LRRC37A3: variants seen among roughly 807,000 people sequenced by gnomAD.
The protein encoded by LRRC37A3 is leucine rich repeat containing 37 member A3, also known as leucine-rich repeat-containing protein 37A3.
Under a neutral mutation model 106.2 loss-of-function variants are expected in LRRC37A3, and 25 were observed. That is an observed-to-expected ratio of 0.24 (90% CI 0.17 to 0.33). The LOEUF is 0.33. Ranked by LOEUF, LRRC37A3 falls within the 10% of genes least tolerant of loss-of-function variation. LRRC37A3 has a pLI of 1.00. For synonymous variants in LRRC37A3, 305 were observed against 635.8 expected, an observed-to-expected ratio of 0.48 and a Z score of 7.83; for missense variants, 712 against 1,644.9, an observed-to-expected ratio of 0.43 and a Z score of 9.81.
At position 64,855,869 on chromosome 17, in the gene LRRC37A3, T is replaced by C; in HGVS notation, c.4830A>G (p.Ser1610=). Residue 1610 remains serine, a synonymous_variant, in exon 14 of 15, where the codon TCA becomes TCG. Transcript: ENST00000584306. ...CLIEICCHRR[S]LQEDEEGFSR... is the part of the protein sequence containing the mutation. The stretch of plus-strand genomic sequence containing the variant: ...AGAATCCTTCTTCATCTTCTTGTAA[T>C]GACCTTCGGTGACAACAGATCTGTT... 1 of 1,611,818 alleles carries C rather than the reference T, an allele frequency of 6.2e-7. No individual in the cohort carries two copies. The highest frequency in any genetic ancestry group is 8.5e-7 in the Non-Finnish European group (1 of 1,179,690).
chr17:64,855,734 G>A, intron 14 of LRRC37A3, 106 bp downstream of exon 14: 12 of 1,560,710 alleles, frequency 7.7e-6, no homozygotes, highest in Non-Finnish European at 1.0e-5. Flanking sequence ...CCTGGGAAGT[G>A]GAGGTTGCCG....
Position 64,890,946 on chromosome 17 carries a change from C to G in LRRC37A3, c.2682-1194G>C, listed in dbSNP as rs566661949. Among the ~76,000 whole-genome samples the G allele has an allele frequency of 7.3e-5, 4 of 55,014 alleles. No homozygotes were observed. The South Asian group carries it at 2.6e-3, about 35-fold the overall frequency. The allele number at this position is 55,014 out of a possible 152,430, so 36.1% of individuals were successfully genotyped here. A position where few individuals can be genotyped will look rare whatever the true frequency, so the allele number is the denominator to read the frequency against. On this transcript the variant is annotated intron_variant, in intron 5 of 14. Coordinates refer to ENST00000584306, the MANE Select transcript of LRRC37A3 (RefSeq NM_199340.5). ...TTTTTAGTAGAGATGGGGTTTCGCC[C>G]TATCGGCCAGGCTGGTCTCAAACTC...
At position 64,860,952 on chromosome 17, in the gene LRRC37A3, T is replaced by C; in HGVS notation, c.3194A>G (p.Asn1065Ser). ...THCPEEASVG[N>S]PEGAFMKVLQ... is the part of the protein sequence containing the mutation. ...CACCTTCATGAACGCTCCTTCTGGA[T>C]TCCCTACAGATGCTTCTTCAGCTGT... The change falls in exon 12 of 15, where the codon AAT becomes AGT. Residue 1065 changes from asparagine (N) to serine (S), a missense_variant. By Grantham distance (46) the Asn-to-Ser change is conservative. Coordinates refer to ENST00000584306, the MANE Select transcript of LRRC37A3 (RefSeq NM_199340.5). The C allele has an allele frequency of 6.2e-7, 1 of 1,613,992 alleles. No homozygotes were observed. The highest frequency in any genetic ancestry group is 2.2e-5 in the East Asian group (1 of 44,880).
chr17:64,861,515 C>T (rs572059120), intron 11 of LRRC37A3, among the ~76,000 whole-genome samples: 3 of 152,322 alleles, frequency 2.0e-5, no homozygotes, highest in African/African-American at 2.4e-5. Flanking sequence ...ATCTGGCATG[C>T]GCTCCACCCA....
intron 8 of LRRC37A3, chr17:64,881,130 C>T (rs1973686882): frequency 1.4e-5 from 10 of 700,844 alleles, no homozygotes; most frequent in Admixed American, 1.0e-4. Context: ...GTGAGCCACA[C>T]ATCTCCCCAC....
Position 64,859,716 on chromosome 17 carries a change from A to G in LRRC37A3, c.4430T>C (p.Leu1477Pro). The G allele has an allele frequency of 6.2e-7, 1 of 1,613,660 alleles. No individual in the cohort carries two copies. Among genetic ancestry groups the G allele is most frequent in the Non-Finnish European group, 8.5e-7 (1 of 1,180,026 alleles). Residue 1477 changes from leucine (L) to proline (P), a missense_variant, in exon 12 of 15, where the codon CTA (leucine) becomes CCA (proline). Physicochemically the swap from Leu to Pro is moderately conservative, Grantham distance 98 (BLOSUM62 -3). Transcript: ENST00000584306. ...GATAACGGACTGCAGCTGCTGGGTT[A>G]GCTGAATTTCAAACTGATCACCTGG... is the stretch of plus-strand genomic sequence containing the variant. ...SSPGDQFEIQLTQQLQSVIPN... is the reference protein window; with the variant it reads ...SSPGDQFEIQPTQQLQSVIPN...
chr17:64,857,622 C>G (rs960557062), intron 13 of LRRC37A3, among the ~76,000 whole-genome samples: 2 of 152,134 alleles, frequency 1.3e-5, no homozygotes, highest in African/African-American at 4.8e-5. Context: ...TCTGAAGTCT[C>G]TCATATGGTG....
At chr17:64,873,726 T>C (rs1431349949) in intron 8 of LRRC37A3, among the ~76,000 whole-genome samples, 4 of 151,398 alleles carry the variant, frequency 2.6e-5, no homozygotes, top group African/African-American at 9.7e-5. Context: ...TGAAGGTTAA[T>C]TGAGATTGTT....
At chr17:64,912,593 C>A (rs2143628533) in intron 2 of LRRC37A3, among the ~76,000 whole-genome samples, 1 of 151,454 alleles carries the variant, frequency 6.6e-6, no homozygotes, top group South Asian at 2.1e-4. Context: ...CAGAAGAAAC[C>A]CCCCAAAAAA....
At chr17:64,904,342 G>A (rs1216184408) in intron 2 of LRRC37A3, among the ~76,000 whole-genome samples, 2 of 152,274 alleles carry the variant, frequency 1.3e-5, no homozygotes, top group African/African-American at 4.8e-5. Context: ...ACATGTGGTG[G>A]CGCACGCCTG....
intron 10 of LRRC37A3, among the ~76,000 whole-genome samples, chr17:64,867,107 G>C (rs1407063642): frequency 6.6e-6 from 1 of 151,402 alleles, no homozygotes; most frequent in Non-Finnish European, 1.5e-5. Context: ...TCTTAGGTAA[G>C]AAACAAAAAA....
At chr17:64,884,237 ACT>A (rs1973798768) in intron 8 of LRRC37A3, among the ~76,000 whole-genome samples, 1 of 143,540 alleles carries the variant, frequency 7.0e-6, no homozygotes, top group Admixed American at 7.0e-5. Context: ...TGGACATGAC[ACT>A]CTGAATGTTT....
At chr17:64,856,039 T>G in intron 13 of LRRC37A3, 150 bp from the exon 14 acceptor site, 1 of 1,545,928 alleles carries the variant, frequency 6.5e-7, no homozygotes, top group Non-Finnish European at 8.7e-7. Flanking sequence ...TAACACTGCT[T>G]TGATTCTTCC....
intron 8 of LRRC37A3, among the ~76,000 whole-genome samples, chr17:64,872,383 G>A (rs1041462889): frequency 3.3e-5 from 5 of 151,926 alleles, no homozygotes; most frequent in Admixed American, 6.6e-5. Context: ...CTCAGTAGTC[G>A]CCTTGAAAAA....
In LRRC37A3 at chr17:64,860,733, A is replaced by G. The variant is rs1470078029; in HGVS notation, c.3413T>C (p.Leu1138Ser). Residue 1138 changes from leucine to serine, a missense_variant, in exon 12 of 15, where the codon TTA becomes TCA. Leu to Ser is a moderately radical substitution (Grantham distance 145). Coordinates refer to ENST00000584306, the MANE Select transcript of LRRC37A3 (RefSeq NM_199340.5). ...GGTTGGCAGTTTAATGAACGGTAGT[A>G]ACAGTGATTTCACATCTAGGTTAAC... The part of the protein sequence containing the change: ...SAVNLDVKSL[L>S]LPFIKLPTTG... 1 of 1,614,064 alleles carries G rather than the reference A, an allele frequency of 6.2e-7. No individual in the cohort carries two copies. The highest frequency in any genetic ancestry group is 8.5e-7 in the Non-Finnish European group (1 of 1,179,928).
intron 8 of LRRC37A3, among the ~76,000 whole-genome samples, chr17:64,880,216 T>A (rs1345851911): frequency 6.6e-6 from 1 of 151,974 alleles, no homozygotes; most frequent in Non-Finnish European, 1.5e-5. Context: ...GAGTGGGAAC[T>A]GGCTCAACGG....
At chr17:64,916,500 G>A (rs1974703391) in intron 2 of LRRC37A3, among the ~76,000 whole-genome samples, 1 of 151,588 alleles carries the variant, frequency 6.6e-6, no homozygotes, top group Admixed American at 6.6e-5. Flanking sequence ...ATCTTGGCCA[G>A]GCATGGTGGC....
intron 2 of LRRC37A3, among the ~76,000 whole-genome samples, chr17:64,905,061 T>G (rs1374124527): frequency 1.3e-5 from 2 of 150,804 alleles, no homozygotes; most frequent in East Asian, 3.8e-4. Flanking sequence ...AATTAATAAA[T>G]CAATGTATTA....
rs1373971990 is a variant in LRRC37A3 at position 64,868,489 on chromosome 17, A to G, written c.3026T>C (p.Leu1009Pro). 2 of 1,610,472 alleles carry G rather than the reference A, an allele frequency of 1.2e-6. No individual in the cohort carries two copies. Among genetic ancestry groups the G allele is most frequent in the Non-Finnish European group, 1.7e-6 (2 of 1,178,988 alleles). ...LVPLTTLKNILMMTVELEKLI... is the reference protein window; with the variant it reads ...LVPLTTLKNIPMMTVELEKLI... ...TTTTTCCAGTTCAACAGTCATCATG[A>G]GAATGTTCTTAAGTGTTGTAAGTGG... Residue 1009 changes from leucine (L) to proline (P), a missense_variant, in exon 10 of 15, where the codon CTC becomes CCC. By Grantham distance (98) the Leu-to-Pro change is moderately conservative (BLOSUM62 -3). Transcript: ENST00000584306.
Sources: allele counts gnomAD v4.1 joint callset (sites outside exome capture counted in the v4.1 genomes callset), GRCh38; gene constraint gnomAD v4.1.1; transcripts MANE v1.5; gene names NCBI Gene and HGNC (gene_info 2026-07-23, HGNC 2026-07-21).